The following NFIA variants were observed in gnomAD, a reference collection of about 807,000 sequenced individuals.
NFIA encodes the protein nuclear factor 1 A-type.
A neutral mutation model predicts 62.8 loss-of-function variants in NFIA; 8 were observed. That is an observed-to-expected ratio of 0.13 (90% CI 0.07 to 0.23). The LOEUF (loss-of-function observed/expected upper bound fraction) is 0.23, where lower values mean the gene tolerates loss of function less well. Ranked by LOEUF, NFIA falls within the 10% of genes least tolerant of loss-of-function variation. The probability of loss-of-function intolerance (pLI) is 1.00; values close to 1 mark genes in which losing one functional copy is unlikely to be tolerated. For synonymous variants in NFIA, 235 were observed against 238.1 expected (o/e 0.99, Z 0.12); for missense variants, 410 against 642.1 (o/e 0.64, Z 3.91).
rs916357721 is a variant in NFIA, at chr1:61,458,363, A to G, written c.*3043A>G. 7.9e-5 allele frequency: 12 copies of G among 152,182 alleles called. No homozygotes were observed. Among genetic ancestry groups the G allele is most frequent in the Admixed American group, 2.6e-4 (4 of 15,276 alleles). 9.4% of individuals were successfully genotyped at this position (152,182 alleles called of 1,614,324 possible). On this transcript the variant is annotated 3_prime_UTR_variant, in exon 11 of 11. Transcript: ENST00000403491. The stretch of plus-strand genomic sequence containing the variant: ...AAAATTGCACCCTTTTTTAAACAAA[A>G]CAAACTAAGCAATAGTTTGGGCAGT...
At chr1:61,238,475 C>T (rs1655130840) in intron 2 of NFIA, among the ~76,000 whole-genome samples, 1 of 152,148 alleles carries the variant, frequency 6.6e-6, no homozygotes, top group African/African-American at 2.4e-5. Context: ...TCCCTTGTCT[C>T]CTGTACCCTT....
At chr1:61,443,163 TG>T (rs1667659703) in intron 10 of NFIA, among the ~76,000 whole-genome samples, 1 of 152,172 alleles carries the variant, frequency 6.6e-6, no homozygotes, top group Admixed American at 6.5e-5. Context: ...GGCTCAATAT[TG>T]CACTAGGTTA....
chr1:61,090,086 T>A (rs1439155877), intron 2 of NFIA, among the ~76,000 whole-genome samples: 1 of 152,192 alleles, frequency 6.6e-6, no homozygotes, highest in Non-Finnish European at 1.5e-5. Context: ...ACCTCTCAAG[T>A]GACCTCTAAG....
At chr1:61,106,294 A>G (rs1646599138) in intron 2 of NFIA, among the ~76,000 whole-genome samples, 1 of 151,788 alleles carries the variant, frequency 6.6e-6, no homozygotes, top group Non-Finnish European at 1.5e-5. Context: ...CCAGACATAA[A>G]CAGGACATAA....
intron 9 of NFIA, among the ~76,000 whole-genome samples, chr1:61,410,614 A>T (rs1666054797): frequency 6.6e-6 from 1 of 152,170 alleles, no homozygotes; most frequent in African/African-American, 2.4e-5. Context: ...CTAAAAATAA[A>T]TATAGGGACT....
At chr1:61,189,218 A>C (rs1651430764) in intron 2 of NFIA, among the ~76,000 whole-genome samples, 1 of 152,178 alleles carries the variant, frequency 6.6e-6, no homozygotes, top group Admixed American at 6.5e-5. Context: ...AGCTAAGCAG[A>C]CAAGGACAAG....
At chr1:61,137,953 C>CT (rs1240928223) in intron 2 of NFIA, among the ~76,000 whole-genome samples, 2,954 of 142,814 alleles carry the variant, frequency 0.021, 95 homozygotes, top group African/African-American at 0.062. Context: ...TCTCCCACCT[C>CT]TTTTTTTTTT....
chr1:61,096,304 C>T (rs1646411676), intron 2 of NFIA, among the ~76,000 whole-genome samples: 1 of 151,824 alleles, frequency 6.6e-6, no homozygotes, highest in South Asian at 2.1e-4. Context: ...ATCTCTGCCT[C>T]CCTGGTTCAA....
At chr1:61,393,207 T>C (rs553179394) in intron 7 of NFIA, among the ~76,000 whole-genome samples, 3 of 47,272 alleles carry the variant, frequency 6.3e-5, no homozygotes, top group Non-Finnish European at 9.9e-5. Flanking sequence ...TTGTATCTCC[T>C]CTTTATGTGG....
intron 3 of NFIA, among the ~76,000 whole-genome samples, chr1:61,330,861 G>A (rs1661264274): frequency 6.6e-6 from 1 of 152,158 alleles, no homozygotes; most frequent in African/African-American, 2.4e-5. Context: ...ATTGTTCTAT[G>A]TGTTTTAAGT....
intron 2 of NFIA, among the ~76,000 whole-genome samples, chr1:61,235,499 T>TAAATAA (rs1557653444): frequency 1.4e-5 from 2 of 142,802 alleles, no homozygotes; most frequent in Middle Eastern, 3.3e-3. Context: ...AATAAATAAA[T>TAAATAA]AAATAAAAAT....
intron 7 of NFIA, among the ~76,000 whole-genome samples, chr1:61,393,290 T>TCTCTCC (rs1343271825): frequency 6.3e-5 from 4 of 63,598 alleles, no homozygotes; most frequent in Admixed American, 1.6e-4. Context: ...TCTCTCTCTC[T>TCTCTCC]CCCTCTTTCT....
chr1:61,267,229 C>T (rs1456170802), intron 2 of NFIA, among the ~76,000 whole-genome samples: 1 of 152,170 alleles, frequency 6.6e-6, no homozygotes, highest in Non-Finnish European at 1.5e-5. Flanking sequence ...TACTTTTAGG[C>T]TGGGTGCCGT....
intron 2 of NFIA, among the ~76,000 whole-genome samples, chr1:61,107,421 T>C (rs181896547): frequency 6.6e-6 from 1 of 151,694 alleles, no homozygotes; most frequent in Non-Finnish European, 1.5e-5. Context: ...CATTTATAAT[T>C]TGATTACTAA....
intron 2 of NFIA, among the ~76,000 whole-genome samples, chr1:61,126,356 T>G (rs771654846): frequency 2.6e-5 from 4 of 152,034 alleles, no homozygotes; most frequent in Non-Finnish European, 5.9e-5. Flanking sequence ...CAATTCTCTT[T>G]CCTTATGCAG....
intron 3 of NFIA, among the ~76,000 whole-genome samples, chr1:61,324,892 G>A (rs141744275): frequency 3.5e-4 from 53 of 152,314 alleles, no homozygotes; most frequent in African/African-American, 1.2e-3. Context: ...CCCACTGCGA[G>A]TATGACTGAC....
intron 3 of NFIA, among the ~76,000 whole-genome samples, chr1:61,306,054 G>T (rs1659761903): frequency 6.6e-6 from 1 of 151,490 alleles, no homozygotes; most frequent in Non-Finnish European, 1.5e-5. Context: ...GTTTCACCGT[G>T]TTAGCCAGGA....
At chr1:61,095,972 A>C (rs1318493895) in intron 2 of NFIA, among the ~76,000 whole-genome samples, 1 of 152,040 alleles carries the variant, frequency 6.6e-6, no homozygotes, top group Non-Finnish European at 1.5e-5. Flanking sequence ...AGACAGAGAA[A>C]TATATATCTA....
intron 3 of NFIA, among the ~76,000 whole-genome samples, chr1:61,308,861 C>A (rs1188420107): frequency 6.6e-6 from 1 of 152,150 alleles, no homozygotes; most frequent in Admixed American, 6.5e-5. Flanking sequence ...TGGTGATACT[C>A]CATGCTATAT....
Sources: gnomAD v4.1 joint callset for allele counts (sites outside exome capture counted in the v4.1 genomes callset) on GRCh38, gnomAD v4.1.1 for gene constraint, MANE v1.5 for transcripts, NCBI Gene and HGNC (gene_info 2026-07-23, HGNC 2026-07-21) for gene names.